FRMD4A: variants seen among roughly 807,000 people sequenced by gnomAD.
FRMD4A encodes FERM domain containing 4A.
In FRMD4A, 29 loss-of-function variants were observed where a neutral mutation model predicts 129.1. That is an observed-to-expected ratio of 0.22 (90% confidence interval 0.17 to 0.31). FRMD4A has a LOEUF of 0.31. FRMD4A is among the 10% of genes least tolerant of loss of function. The pLI is 1.00. For missense variants in FRMD4A, 1,272 were observed against 1,375.8 expected, an observed-to-expected ratio of 0.92 and a Z score of 1.19; for synonymous variants, 634 against 571.6, an observed-to-expected ratio of 1.11 and a Z score of -1.56.
At chr10:13,749,997 G>C (rs1363431003) in intron 8 of FRMD4A, among the ~76,000 whole-genome samples, 2 of 146,788 alleles carry the variant, frequency 1.4e-5, no homozygotes, top group Non-Finnish European at 3.0e-5. Context: ...AAGAGACAGA[G>C]AAAAAGAAAG....
chr10:13,723,632 G>A (rs1359678208), intron 12 of FRMD4A, among the ~76,000 whole-genome samples: 1 of 152,238 alleles, frequency 6.6e-6, no homozygotes, highest in East Asian at 1.9e-4. Flanking sequence ...CTTCTGGTTA[G>A]ATGACCCCGA....
At chr10:13,666,606 G>A (rs992908066) in intron 17 of FRMD4A, among the ~76,000 whole-genome samples, 1 of 152,278 alleles carries the variant, frequency 6.6e-6, no homozygotes, top group East Asian at 1.9e-4. Flanking sequence ...GCTGTGTTTC[G>A]ACTGTCTCCA....
chr10:13,657,171 C>A lies in FRMD4A; in HGVS notation c.2418G>T (p.Ala806=), dbSNP rs765778757. 42 of 1,494,286 alleles carry A rather than the reference C, an allele frequency of 2.8e-5. No homozygotes were observed. Among genetic ancestry groups the A allele is most frequent in the Non-Finnish European group, 3.5e-5 (39 of 1,127,918 alleles). 92.6% of individuals were successfully genotyped at this position (1,494,286 alleles called of 1,614,324 possible). A position where few individuals can be genotyped will look rare whatever the true frequency, so the allele number is the denominator to read the frequency against. ...CCCCCGCGCCCCCCGCACCCCCGCGCGCCGCCAGGTTGGGCATGCTGCCCG... is the reference window on the plus strand; with the variant it reads ...CCCCCGCGCCCCCCGCACCCCCGCGAGCCGCCAGGTTGGGCATGCTGCCCG... ...ASSGSMPNLA[A]RGGAGGAGGA... Residue 806 remains alanine (A), a synonymous_variant, in exon 22 of 25, where the codon GCG becomes GCT. Coordinates refer to ENST00000357447, the MANE Select transcript of FRMD4A (RefSeq NM_018027.5).
chr10:14,113,601 T>C (rs1013470705), intron 2 of FRMD4A, among the ~76,000 whole-genome samples: 1 of 152,104 alleles, frequency 6.6e-6, no homozygotes, highest in African/African-American at 2.4e-5. Context: ...CTGAAAGGGG[T>C]ATCAATGCCC....
intron 2 of FRMD4A, among the ~76,000 whole-genome samples, chr10:14,121,280 A>C (rs145202055): frequency 6.6e-6 from 1 of 152,216 alleles, no homozygotes; most frequent in Non-Finnish European, 1.5e-5. Context: ...AGACAGGAGA[A>C]TTGCCTGAAC....
At chr10:13,845,368 A>AT (rs2094028962) in intron 3 of FRMD4A, among the ~76,000 whole-genome samples, 1 of 152,146 alleles carries the variant, frequency 6.6e-6, no homozygotes, top group South Asian at 2.1e-4. Flanking sequence ...CAGTTAAGAC[A>AT]TTTTTTGATG....
intron 15 of FRMD4A, among the ~76,000 whole-genome samples, chr10:13,685,940 T>A (rs2085037426): frequency 6.6e-6 from 1 of 152,224 alleles, no homozygotes; most frequent in Non-Finnish European, 1.5e-5. Flanking sequence ...ACTTTGTCTT[T>A]ATTTCCCCCA....
At chr10:13,666,881 C>T (rs898517244) in intron 17 of FRMD4A, among the ~76,000 whole-genome samples, 15 of 150,890 alleles carry the variant, frequency 9.9e-5, no homozygotes, top group Non-Finnish European at 1.9e-4. Flanking sequence ...CACTCACCCG[C>T]GTGTCTTTCG....
chr10:14,008,394 C>A (rs1241481243), intron 2 of FRMD4A: 1 of 1,025,420 alleles, frequency 9.8e-7, no homozygotes, highest in Non-Finnish European at 1.2e-6. Flanking sequence ...TCAGCGCCCA[C>A]GAAGCAGCAT....
chr10:14,005,751 C>T (rs1293476164), intron 2 of FRMD4A, among the ~76,000 whole-genome samples: 1 of 152,180 alleles, frequency 6.6e-6, no homozygotes, highest in African/African-American at 2.4e-5. Context: ...GATTTAGGTC[C>T]TGCTCTGTCA....
intron 2 of FRMD4A, among the ~76,000 whole-genome samples, chr10:14,036,802 T>C (rs1394389475): frequency 6.6e-6 from 1 of 152,060 alleles, no homozygotes; most frequent in East Asian, 1.9e-4. Flanking sequence ...GCCAGACTGG[T>C]CTCGAACTCC....
At chr10:14,048,946 A>G (rs1313574396) in intron 2 of FRMD4A, among the ~76,000 whole-genome samples, 1 of 152,224 alleles carries the variant, frequency 6.6e-6, no homozygotes, top group Non-Finnish European at 1.5e-5. Context: ...GCCTGTAACA[A>G]CAAAGTGTCT....
chr10:14,315,647 T>C (rs868263727), intron 2 of FRMD4A, among the ~76,000 whole-genome samples: 13 of 152,198 alleles, frequency 8.5e-5, no homozygotes, highest in African/African-American at 3.1e-4. Context: ...CTCAGCAGAG[T>C]ATTGTGCTTC....
At chr10:13,977,081 C>T (rs2095544572) in intron 2 of FRMD4A, among the ~76,000 whole-genome samples, 1 of 152,086 alleles carries the variant, frequency 6.6e-6, no homozygotes, top group Non-Finnish European at 1.5e-5. Flanking sequence ...CCGATTTATT[C>T]CAAAGTGAGA....
intron 2 of FRMD4A, among the ~76,000 whole-genome samples, chr10:14,239,478 T>A (rs1843954762): frequency 6.6e-6 from 1 of 151,814 alleles, no homozygotes; most frequent in Non-Finnish European, 1.5e-5. Flanking sequence ...ATAGAAAAAA[T>A]TAGCTGGGCG....
intron 3 of FRMD4A, among the ~76,000 whole-genome samples, chr10:13,842,784 A>G (rs3893346): frequency 0.29 from 44,554 of 152,134 alleles, 6,833 homozygotes; most frequent in Middle Eastern, 0.44. Context: ...AGCTATGATC[A>G]CGCCACTGCA....
intron 2 of FRMD4A, among the ~76,000 whole-genome samples, chr10:14,221,940 A>G (rs2131973168): frequency 6.6e-6 from 1 of 152,266 alleles, no homozygotes; most frequent in South Asian, 2.1e-4. Context: ...GTTTTTCTAG[A>G]TAACAGGCTT....
chr10:13,682,497 C>CTTTTTT (rs1170963559), intron 15 of FRMD4A, among the ~76,000 whole-genome samples: 13 of 55,802 alleles, frequency 2.3e-4, no homozygotes, highest in African/African-American at 2.3e-4. Context: ...TTCTTTCTTT[C>CTTTTTT]TTTTTTTTTT....
At chr10:14,026,539 G>C (rs571871731) in intron 2 of FRMD4A, among the ~76,000 whole-genome samples, 1 of 152,282 alleles carries the variant, frequency 6.6e-6, no homozygotes, top group East Asian at 1.9e-4. Flanking sequence ...TGTTAGGAAC[G>C]GCATAGGAAG....
Sources: gnomAD v4.1 joint callset for allele counts (sites outside exome capture counted in the v4.1 genomes callset) on GRCh38, gnomAD v4.1.1 for gene constraint, MANE v1.5 for transcripts, NCBI Gene and HGNC (gene_info 2026-07-23, HGNC 2026-07-21) for gene names.